Variants in GAPVD1 observed in about 807,000 individuals in gnomAD.
GAPVD1 encodes GTPase-activating protein and VPS9 domain-containing protein 1.
A neutral mutation model predicts 155.5 loss-of-function variants in GAPVD1; 35 were observed. That is an observed-to-expected ratio of 0.23 (90% confidence interval 0.17 to 0.30). The LOEUF (loss-of-function observed/expected upper bound fraction) is 0.30. Ranked by LOEUF, GAPVD1 falls within the 10% of genes least tolerant of loss-of-function variation. The pLI, the probability that GAPVD1 is intolerant of heterozygous loss-of-function variation, is 1.00. For missense variants in GAPVD1, 1,429 were observed against 1,775.7 expected, an observed-to-expected ratio of 0.80 and a Z score of 3.51; for synonymous variants, 636 against 619.7, an observed-to-expected ratio of 1.03 and a Z score of -0.39.
intron 24 of GAPVD1, among the ~76,000 whole-genome samples, 190 bp downstream of exon 24, chr9:125,355,031 A>G (rs1390110172): frequency 6.6e-6 from 1 of 152,252 alleles, no homozygotes; most frequent in Non-Finnish European, 1.5e-5. Flanking sequence ...TGGATTGAAT[A>G]TCTGTAGCTT....
chr9:125,308,167 T>A, intron 8 of GAPVD1: 1 of 514,428 alleles, frequency 1.9e-6, no homozygotes, highest in Non-Finnish European at 3.4e-6. Flanking sequence ...GGAAATGTTA[T>A]AAGTAGTCAT....
At position 125,350,817 on chromosome 9, in the gene GAPVD1, C is replaced by A. The variant is rs138346167; in HGVS notation, c.3514C>A (p.Arg1172Ser). 1 of 1,613,514 alleles carries A rather than the reference C, an allele frequency of 6.2e-7. No homozygotes were observed. The change falls in exon 23 of 28, where the codon CGT becomes AGT. Residue 1172 changes from arginine to serine, a missense_variant. Arg to Ser is a moderately radical substitution (Grantham distance 110, BLOSUM62 -1). Around this residue, in one of 4 missense-constraint regions of GAPVD1, gnomAD observed 699 missense variants for 826.0 expected, o/e 0.85. Transcript: ENST00000297933. ...QLQETMRCVC[R>S]FDNRTCRKLL... ...TCAAGAAACAATGCGCTGTGTGTGCCGTTTTGATAATAGGACTTGTAGGAA... is the reference window on the plus strand; with the variant it reads ...TCAAGAAACAATGCGCTGTGTGTGCAGTTTTGATAATAGGACTTGTAGGAA...
chr9:125,361,567 G>A (rs1175830794), intron 27 of GAPVD1, among the ~76,000 whole-genome samples: 1 of 151,512 alleles, frequency 6.6e-6, no homozygotes, highest in East Asian at 1.9e-4. Context: ...TTGGGGCTCA[G>A]TATATAATTA....
chr9:125,362,106 A>G (rs1851012748), intron 27 of GAPVD1, among the ~76,000 whole-genome samples: 1 of 152,176 alleles, frequency 6.6e-6, no homozygotes, highest in Non-Finnish European at 1.5e-5. Context: ...CCTCTTAACC[A>G]TTTAACAGCC....
At chr9:125,334,588 T>C (rs184708520) in intron 15 of GAPVD1, among the ~76,000 whole-genome samples, 25 of 152,238 alleles carry the variant, frequency 1.6e-4, no homozygotes, top group Non-Finnish European at 2.8e-4. Flanking sequence ...ATTGGGTATT[T>C]GGCAGACATC....
At chr9:125,310,608 C>T (rs1842528588) in intron 8 of GAPVD1, among the ~76,000 whole-genome samples, 1 of 147,562 alleles carries the variant, frequency 6.8e-6, no homozygotes, top group Non-Finnish European at 1.5e-5. Context: ...GGCGTGATCT[C>T]GGCTCACCGC....
chr9:125,292,813 T>G (rs1168748988), intron 2 of GAPVD1, among the ~76,000 whole-genome samples: 1 of 152,176 alleles, frequency 6.6e-6, no homozygotes, highest in Non-Finnish European at 1.5e-5. Flanking sequence ...ACTGGAAGTA[T>G]GGAGTATTAA....
intron 12 of GAPVD1, among the ~76,000 whole-genome samples, chr9:125,328,906 G>A: frequency 6.6e-6 from 1 of 152,242 alleles, no homozygotes; most frequent in African/African-American, 2.4e-5. Context: ...GCCGAGGCTG[G>A]CGGATCACTC....
chr9:125,298,789 A>G, intron 3 of GAPVD1, 101 bp from the exon 4 acceptor site: 1 of 577,060 alleles, frequency 1.7e-6, no homozygotes, highest in South Asian at 2.6e-5. Flanking sequence ...CGCCTGCCCA[A>G]ATGTAACTGA....
At chr9:125,269,587 C>G (rs1298827375) in intron 2 of GAPVD1, among the ~76,000 whole-genome samples, 1 of 150,242 alleles carries the variant, frequency 6.7e-6, no homozygotes, top group Non-Finnish European at 1.5e-5. Flanking sequence ...CCATGCCCTG[C>G]TCATTTTTTA....
chr9:125,339,881 G>GT (rs1227902369), intron 17 of GAPVD1, among the ~76,000 whole-genome samples: 1 of 152,204 alleles, frequency 6.6e-6, no homozygotes, highest in Non-Finnish European at 1.5e-5. Flanking sequence ...CCCTGGCACA[G>GT]ATGCCCTCAT....
intron 25 of GAPVD1, 80 bp downstream of exon 25, chr9:125,355,937 G>A (rs937735948): frequency 4.0e-6 from 3 of 755,052 alleles, no homozygotes; most frequent in African/African-American, 3.4e-5. Flanking sequence ...CAAGCTATAC[G>A]TGTAACTTAG....
chr9:125,301,915 A>T, intron 4 of GAPVD1, 68 bp from the exon 5 acceptor site: 1 of 1,197,606 alleles, frequency 8.3e-7, no homozygotes, highest in South Asian at 1.7e-5. Flanking sequence ...ATGTTTGGAT[A>T]TAGTATATGT....
chr9:125,359,745 CA>C, intron 26 of GAPVD1: 1 of 440,842 alleles, frequency 2.3e-6, no homozygotes, highest in South Asian at 3.2e-5. Context: ...GCCCTGCTCT[CA>C]GGGGCAGTAC....
At chr9:125,335,137 G>T (rs776423058) in intron 15 of GAPVD1, 2 of 740,732 alleles carry the variant, frequency 2.7e-6, no homozygotes, top group Non-Finnish European at 5.0e-6. Context: ...CTAACATATT[G>T]TTCCTTTTCC....
At position 125,321,498 on chromosome 9, in the gene GAPVD1, T is replaced by C; in HGVS notation, c.1668T>C (p.His556=). Residue 556 remains histidine, a synonymous_variant, in exon 10 of 28, where the codon CAT becomes CAC. Coordinates refer to ENST00000297933, the MANE Select transcript of GAPVD1 (RefSeq NM_001282680.3). ...GDVPVDENKL[H]GKPDKTLRFS... ...TCCCTGTTGATGAAAACAAACTCCA[T>C]GGTAAACCTGATAAAACCTTGCGCT... 6.2e-7 allele frequency: 1 copy of C among 1,613,164 alleles called. No homozygotes were observed. The highest frequency in any genetic ancestry group is 8.5e-7 in the Non-Finnish European group (1 of 1,179,110).
chr9:125,350,333 C>T lies in GAPVD1; in HGVS notation c.3338C>T (p.Ala1113Val), dbSNP rs371655981. The stretch of plus-strand genomic sequence containing the variant: ...AAACTGAGGCTTGCTCTTTGCTCTG[C>T]GGACTCTGTTGCCTTCCCAGTGCTG... ...KKKLRLALCS[A>V]DSVAFPVLTH... The change falls in exon 22 of 28, where the codon GCG becomes GTG. Residue 1113 changes from alanine (A) to valine (V), a missense_variant. Ala to Val is a moderately conservative substitution (Grantham distance 64). Coordinates refer to ENST00000297933, the MANE Select transcript of GAPVD1 (RefSeq NM_001282680.3). The T allele has an allele frequency of 2.2e-5, 35 of 1,592,294 alleles. No homozygotes were observed. Among genetic ancestry groups the T allele is most frequent in the South Asian group, 3.5e-5 (3 of 86,398 alleles).
intron 15 of GAPVD1, among the ~76,000 whole-genome samples, chr9:125,336,408 G>T (rs776853161): frequency 1.3e-5 from 2 of 151,678 alleles, no homozygotes; most frequent in Non-Finnish European, 2.9e-5. Context: ...AAAGTTATTT[G>T]CTGAGAGCAG....
At position 125,350,360 on chromosome 9, in the gene GAPVD1, C is replaced by T; in HGVS notation, c.3365C>T (p.Thr1122Ile). Residue 1122 changes from threonine (T) to isoleucine (I), a missense_variant, in exon 22 of 28, where the codon ACC becomes ATC. Coordinates refer to ENST00000297933, the MANE Select transcript of GAPVD1 (RefSeq NM_001282680.3). ...SADSVAFPVL[T>I]HSTRNGLPDH... Reference sequence around the variant, plus strand: ...GACTCTGTTGCCTTCCCAGTGCTGACCCATTCAACAAGGAATGGTTTACCA... The same window carrying T: ...GACTCTGTTGCCTTCCCAGTGCTGATCCATTCAACAAGGAATGGTTTACCA... 6.2e-7 allele frequency: 1 copy of T among 1,608,540 alleles called. No individual in the cohort carries two copies. The highest frequency in any genetic ancestry group is 8.5e-7 in the Non-Finnish European group (1 of 1,178,238).
Sources: allele counts gnomAD v4.1 joint callset (sites outside exome capture counted in the v4.1 genomes callset), GRCh38; gene constraint gnomAD v4.1.1; regional missense constraint gnomAD v4.1.1; transcripts MANE v1.5; gene names NCBI Gene and HGNC (gene_info 2026-07-23, HGNC 2026-07-21).